Variants in APOL6 observed in about 807,000 individuals in gnomAD.
APOL6 encodes the protein apolipoprotein L, 6.
APOL6 carries 1 observed loss-of-function variant against 2.4 expected under a neutral mutation model. That is an observed-to-expected ratio of 0.41 (90% CI 0.15 to 1.94). The LOEUF (loss-of-function observed/expected upper bound fraction) is 1.94, where lower values mean the gene tolerates loss of function less well. APOL6 is among the 30% of genes most tolerant of loss of function. The probability of loss-of-function intolerance (pLI) is 0.30; values close to 1 mark genes in which losing one functional copy is unlikely to be tolerated. For synonymous variants in APOL6, 189 were observed against 169.3 expected, an observed-to-expected ratio of 1.12 and a Z score of -0.90; for missense variants, 438 against 429.2, an observed-to-expected ratio of 1.02 and a Z score of -0.18.
Position 35,664,408 on chromosome 22 carries a change from A to C in APOL6, c.*4812A>C, listed in dbSNP as rs1925113862. The C allele has an allele frequency of 6.6e-6, 1 of 152,268 alleles. No individual in the cohort carries two copies. 9.4% of individuals were successfully genotyped at this position (152,268 alleles called of 1,614,324 possible). On this transcript the variant is annotated 3_prime_UTR_variant, in exon 3 of 3. Coordinates refer to ENST00000409652, the MANE Select transcript of APOL6 (RefSeq NM_030641.4). Reference sequence around the variant, plus strand: ...ACAATAAGGAGGTTTGTTTTGGGAAAGGACTGTTATTGTCATTGTTTCGAA... The same window carrying C: ...ACAATAAGGAGGTTTGTTTTGGGAACGGACTGTTATTGTCATTGTTTCGAA...
In APOL6 at chr22:35,659,007, C is replaced by G. The variant is rs1308539760; in HGVS notation, c.443C>G (p.Thr148Ser). ...AQARAEDILP[T>S]YDQEDREDEE... ...GCACGGGCGGAAGACATACTGCCCA[C>G]CTACGACCAAGAGGACAGGGAGGAT... Residue 148 changes from threonine to serine, a missense_variant, in exon 3 of 3, where the codon ACC (threonine) becomes AGC (serine). Coordinates refer to ENST00000409652, the MANE Select transcript of APOL6 (RefSeq NM_030641.4). The G allele has an allele frequency of 6.2e-7, 1 of 1,613,872 alleles. No homozygotes were observed. The highest frequency in any genetic ancestry group is 2.2e-5 in the East Asian group (1 of 44,856).
At chr22:35,656,581 G>A in intron 2 of APOL6, 106 bp downstream of exon 2, 1 of 1,370,612 alleles carries the variant, frequency 7.3e-7, no homozygotes, top group Non-Finnish European at 1.0e-6. Context: ...TAGCTGTTAA[G>A]TGGGCCTTAT....
chr22:35,650,654 G>T (rs1924662832), intron 1 of APOL6, among the ~76,000 whole-genome samples: 1 of 152,164 alleles, frequency 6.6e-6, no homozygotes, highest in Non-Finnish European at 1.5e-5. Context: ...CCTGGGCTGG[G>T]CATGGTGGCT....
In APOL6 at chr22:35,661,350, C is replaced by G. The variant is rs1304234265; in HGVS notation, c.*1754C>G. Reference sequence around the variant, plus strand: ...TCCAGTCTGGGTGTCAGAATGAGACCCCATCTCAAAAAAAAAAAAAAAAAA... The same window carrying G: ...TCCAGTCTGGGTGTCAGAATGAGACGCCATCTCAAAAAAAAAAAAAAAAAA... On this transcript the variant is annotated 3_prime_UTR_variant, in exon 3 of 3. Transcript: ENST00000409652. 2 of 137,564 alleles carry G rather than the reference C, an allele frequency of 1.5e-5. No individual in the cohort carries two copies. The highest frequency in any genetic ancestry group is 5.7e-5 in the African/African-American group (2 of 35,296). The allele number at this position is 137,564 out of a possible 1,614,324, so 8.5% of individuals were successfully genotyped here.
Position 35,655,536 on chromosome 22 carries a change from G to T in APOL6, c.-47-843G>T, listed in dbSNP as rs370738491. Among the ~76,000 whole-genome samples the T allele has an allele frequency of 7.9e-5, 12 of 152,078 alleles. No individual in the cohort carries two copies. In the East Asian group the frequency reaches 2.3e-3, roughly 29 times the overall value. On this transcript the variant is annotated intron_variant, in intron 1 of 2. Coordinates refer to ENST00000409652, the MANE Select transcript of APOL6 (RefSeq NM_030641.4). ...TCTGTGAAATTATTCCATGTTGTTT[G>T]GGTATCAGTAGTTTTCAAAATTGTT...
Position 35,661,310 on chromosome 22 carries a change from A to T in APOL6, c.*1714A>T, listed in dbSNP as rs1925019498. 2.0e-5 allele frequency: 3 copies of T among 147,274 alleles called. No homozygotes were observed. Among genetic ancestry groups the T allele is most frequent in the Admixed American group, 6.9e-5 (1 of 14,470 alleles). The allele number at this position is 147,274 out of a possible 1,614,324, so 9.1% of individuals were successfully genotyped here. On this transcript the variant is annotated 3_prime_UTR_variant, in exon 3 of 3. Transcript: ENST00000409652. ...GCTGTAAAGGTTGCAGTGAGCCAAG[A>T]TCATGCCACTGCACTCCAGTCTGGG... is the stretch of plus-strand genomic sequence containing the variant.
chr22:35,650,002 C>A (rs1329006909), intron 1 of APOL6, among the ~76,000 whole-genome samples: 1 of 152,162 alleles, frequency 6.6e-6, no homozygotes, highest in Non-Finnish European at 1.5e-5. Flanking sequence ...TGTTTGGGAC[C>A]AACTACTCCA....
intron 1 of APOL6, among the ~76,000 whole-genome samples, chr22:35,650,308 A>G (rs1287729443): frequency 1.3e-5 from 2 of 152,224 alleles, no homozygotes; most frequent in South Asian, 2.1e-4. Flanking sequence ...ACAGACGTCT[A>G]TATAAGGATT....
At position 35,659,159 on chromosome 22, in the gene APOL6, A is replaced by C. The variant is rs762282595; in HGVS notation, c.595A>C (p.Asn199His). 5.3e-5 allele frequency: 85 copies of C among 1,614,090 alleles called. 1 individual carries two copies. The South Asian group carries it at 8.9e-4, about 17-fold the overall frequency. Residue 199 changes from asparagine to histidine, a missense_variant, in exon 3 of 3, where the codon AAT becomes CAT. Physicochemically the swap from Asn to His is moderately conservative, Grantham distance 68 (BLOSUM62 1). Transcript: ENST00000409652. ...ACTCAGAGCCAACCCACGCTTGGCC[A>C]ATGCTACCAAGCGTCTTCTGACCAC... is the stretch of plus-strand genomic sequence containing the variant. ...WKLRANPRLANATKRLLTTGQ... is the reference protein window; with the variant it reads ...WKLRANPRLAHATKRLLTTGQ...
At chr22:35,652,250 T>A (rs1924717639) in intron 1 of APOL6, among the ~76,000 whole-genome samples, 1 of 107,352 alleles carries the variant, frequency 9.3e-6, no homozygotes, top group Non-Finnish European at 1.9e-5. Context: ...GAGTTGTTTG[T>A]TTTTTTCTTG....
rs985477734 is a variant in APOL6 at position 35,659,829 on chromosome 22, A to C, written c.*233A>C. ...TGCCCAGGCTGGAGTGCAGTGGCGT[A>C]ATCTCGGCTCACTGCAACCTCTGCC... On this transcript the variant is annotated 3_prime_UTR_variant, in exon 3 of 3. Transcript: ENST00000409652. 1.3e-5 allele frequency: 8 copies of C among 623,056 alleles called. No homozygotes were observed. The highest frequency in any genetic ancestry group is 3.7e-5 in the African/African-American group (2 of 54,404). The allele number at this position is 623,056 out of a possible 1,614,324, so 38.6% of individuals were successfully genotyped here.
Position 35,660,802 on chromosome 22 carries a change from G to C in APOL6, c.*1206G>C, listed in dbSNP as rs574381093. 1 of 152,370 alleles carries C rather than the reference G, an allele frequency of 6.6e-6. No homozygotes were observed. Among genetic ancestry groups the C allele is most frequent in the Non-Finnish European group, 1.5e-5 (1 of 68,062 alleles). The allele number at this position is 152,370 out of a possible 1,614,324, so 9.4% of individuals were successfully genotyped here. On this transcript the variant is annotated 3_prime_UTR_variant, in exon 3 of 3. Coordinates refer to ENST00000409652, the MANE Select transcript of APOL6 (RefSeq NM_030641.4). ...GGCACTAACTCTATGCCTAAAGGCA[G>C]GGCCCTCATGACTCTATCACCTACC...
At chr22:35,652,705 G>A (rs1031849168) in intron 1 of APOL6, among the ~76,000 whole-genome samples, 4 of 152,190 alleles carry the variant, frequency 2.6e-5, no homozygotes, top group Admixed American at 6.5e-5. Context: ...TCAGATAGTT[G>A]TAGATATGCG....
At chr22:35,653,734 C>T (rs1924765309) in intron 1 of APOL6, among the ~76,000 whole-genome samples, 1 of 152,090 alleles carries the variant, frequency 6.6e-6, no homozygotes. Context: ...AGTTTTTTTC[C>T]CTACACCAAG....
At chr22:35,654,038 A>G (rs956687949) in intron 1 of APOL6, among the ~76,000 whole-genome samples, 1 of 152,220 alleles carries the variant, frequency 6.6e-6, no homozygotes, top group Non-Finnish European at 1.5e-5. Context: ...TTTATTATAA[A>G]GGATCCAACT....
chr22:35,658,143 C>T (rs530954914), intron 2 of APOL6, among the ~76,000 whole-genome samples: 1 of 152,214 alleles, frequency 6.6e-6, no homozygotes, highest in Non-Finnish European at 1.5e-5. Flanking sequence ...ATGGCCCCCT[C>T]CACCCTCCTA....
chr22:35,659,581 T>C lies in APOL6; in HGVS notation c.1017T>C (p.Tyr339=), dbSNP rs1195699347. The change falls in exon 3 of 3, where the codon TAT becomes TAC. Residue 339 remains tyrosine (Y), a synonymous_variant. Transcript: ENST00000409652. ...WLCVCLCVCV[Y]VQFT is the part of the protein sequence containing the mutation. ...GTGTGTGTCTGTGTGTCTGTGTGTA[T>C]GTACAGTTTACATGAATGTTCCTCA... The C allele has an allele frequency of 6.2e-7, 1 of 1,607,418 alleles. No homozygotes were observed. Among genetic ancestry groups the C allele is most frequent in the South Asian group, 1.1e-5 (1 of 90,310 alleles).
At chr22:35,653,463 C>G (rs1184196211) in intron 1 of APOL6, among the ~76,000 whole-genome samples, 1 of 152,174 alleles carries the variant, frequency 6.6e-6, no homozygotes, top group Non-Finnish European at 1.5e-5. Context: ...AGAGGGCATC[C>G]CTGTCTTGTG....
chr22:35,649,876 G>A (rs1306868419), intron 1 of APOL6, among the ~76,000 whole-genome samples: 1 of 152,172 alleles, frequency 6.6e-6, no homozygotes, highest in African/African-American at 2.4e-5. Flanking sequence ...ATCGTAGGGT[G>A]CTTGGCAGCA....
Sources: allele counts gnomAD v4.1 joint callset (sites outside exome capture counted in the v4.1 genomes callset), GRCh38; gene constraint gnomAD v4.1.1; transcripts MANE v1.5; gene names NCBI Gene and HGNC (gene_info 2026-07-23, HGNC 2026-07-21).